TPRG1: variants seen among roughly 807,000 people sequenced by gnomAD.
The protein encoded by TPRG1 is tumor protein p63-regulated gene 1 protein.
In TPRG1, 29 loss-of-function variants were observed where a neutral mutation model predicts 29.3. The ratio of observed to expected loss-of-function variants is 0.99; its 90% CI spans 0.74 to 1.35. The LOEUF (loss-of-function observed/expected upper bound fraction) is 1.35, where lower values mean the gene tolerates loss of function less well. Among genes scored for constraint, TPRG1 ranks in the 40% most tolerant of loss-of-function variants. The pLI is 0.00. For synonymous variants in TPRG1, 130 were observed against 116.8 expected (o/e 1.11, Z -0.73); for missense variants, 327 against 335.0 (o/e 0.98, Z 0.19).
Position 189,092,476 on chromosome 3 carries a change from C to G in TPRG1, c.-462-34581C>G, listed in dbSNP as rs1340441381. On this transcript the variant is annotated intron_variant, in intron 4 of 10. Transcript: ENST00000433971. ...TTTTTTTTGGTATCTTCTATTAATT[C>G]TGTTTTCTTGAGATAGCGATACTTG... Among the ~76,000 whole-genome samples the G allele has an allele frequency of 4.6e-5, 6 of 131,190 alleles. No individual in the cohort carries two copies. In the South Asian group the frequency reaches 1.2e-3, roughly 26 times the overall value. 86.1% of individuals were successfully genotyped at this position (131,190 alleles called of 152,430 possible).
At chr3:189,313,911 T>A (rs1167762953) in intron 5 of TPRG1, among the ~76,000 whole-genome samples, 1 of 152,194 alleles carries the variant, frequency 6.6e-6, no homozygotes, top group African/African-American at 2.4e-5. Context: ...TTGGTTTAAC[T>A]GGAGTTTAAT....
intron 3 of TPRG1, among the ~76,000 whole-genome samples, chr3:189,227,149 CA>C (rs58900755): frequency 5.3e-4 from 75 of 140,810 alleles, no homozygotes; most frequent in African/African-American, 1.6e-3. Context: ...CCTGTCTTCA[CA>C]AAAAAAAAAG....
intron 4 of TPRG1, among the ~76,000 whole-genome samples, chr3:189,045,800 C>A (rs1714939504): frequency 6.6e-6 from 1 of 152,202 alleles, no homozygotes; most frequent in Admixed American, 6.5e-5. Flanking sequence ...GTGGAGAGGA[C>A]AAGCCTGGGG....
At chr3:189,046,500 G>T (rs1714986373) in intron 4 of TPRG1, among the ~76,000 whole-genome samples, 1 of 152,150 alleles carries the variant, frequency 6.6e-6, no homozygotes, top group Non-Finnish European at 1.5e-5. Flanking sequence ...ATTATGCAGA[G>T]AATTCTTTAA....
chr3:189,102,427 T>C (rs574807823), intron 1 of TPRG1, among the ~76,000 whole-genome samples: 2 of 152,334 alleles, frequency 1.3e-5, no homozygotes, highest in Non-Finnish European at 2.9e-5. Context: ...TGTTCCAATA[T>C]TGGTGGCTTT....
chr3:189,129,403 A>G (rs934545023), intron 2 of TPRG1, among the ~76,000 whole-genome samples: 1 of 152,104 alleles, frequency 6.6e-6, no homozygotes, highest in Non-Finnish European at 1.5e-5. Context: ...TATTATGTTG[A>G]TATATATTAT....
intron 3 of TPRG1, among the ~76,000 whole-genome samples, chr3:189,221,050 G>T (rs1484488943): frequency 2.6e-5 from 4 of 151,996 alleles, no homozygotes; most frequent in Non-Finnish European, 4.4e-5. Context: ...CAAATGTAAG[G>T]GTTTATTATG....
chr3:189,110,571 G>T (rs772105681), intron 1 of TPRG1, among the ~76,000 whole-genome samples: 3 of 151,836 alleles, frequency 2.0e-5, no homozygotes, highest in Non-Finnish European at 4.4e-5. Context: ...AAAAAAATTT[G>T]GCTTAGACTT....
At chr3:189,238,159 T>C (rs1263726289) in intron 3 of TPRG1, among the ~76,000 whole-genome samples, 1 of 152,242 alleles carries the variant, frequency 6.6e-6, no homozygotes, top group African/African-American at 2.4e-5. Context: ...AAAATCTCAC[T>C]TCACTTGTTT....
intron 3 of TPRG1, among the ~76,000 whole-genome samples, chr3:189,234,088 A>G (rs1309106945): frequency 6.6e-6 from 1 of 152,144 alleles, no homozygotes; most frequent in Non-Finnish European, 1.5e-5. Context: ...TGTGTTGCCC[A>G]GGCTGGTCTC....
At chr3:189,015,115 G>A (rs977893320) in intron 3 of TPRG1, among the ~76,000 whole-genome samples, 8 of 152,156 alleles carry the variant, frequency 5.3e-5, no homozygotes, top group South Asian at 2.1e-4. Context: ...AGTCCAGGGC[G>A]AGGTGTTCTC....
chr3:189,017,027 T>C (rs1214379488), intron 3 of TPRG1, among the ~76,000 whole-genome samples: 1 of 152,110 alleles, frequency 6.6e-6, no homozygotes, highest in Non-Finnish European at 1.5e-5. Flanking sequence ...TCCTGAAATA[T>C]GTTTTCTAAA....
chr3:189,212,394 T>A (rs887386018), intron 2 of TPRG1, among the ~76,000 whole-genome samples: 16 of 152,118 alleles, frequency 1.1e-4, no homozygotes, highest in African/African-American at 3.4e-4. Context: ...CCTCTTCTCT[T>A]GCTATAGGGT....
At chr3:189,070,801 T>A (rs116680047) in intron 4 of TPRG1, among the ~76,000 whole-genome samples, 3,715 of 152,122 alleles carry the variant, frequency 0.024, 117 homozygotes, top group African/African-American at 0.076. Flanking sequence ...GCAAAGGCAA[T>A]TACCTGAAAA....
chr3:189,316,376 G>A (rs753196733), intron 5 of TPRG1, among the ~76,000 whole-genome samples: 6 of 152,188 alleles, frequency 3.9e-5, no homozygotes, highest in Admixed American at 6.5e-5. Flanking sequence ...GGATGGGCGT[G>A]CCCTCTATGA....
At chr3:189,159,207 T>C (rs1443458591) in intron 5 of TPRG1, among the ~76,000 whole-genome samples, 4 of 152,180 alleles carry the variant, frequency 2.6e-5, no homozygotes, top group Non-Finnish European at 5.9e-5. Context: ...TGATAATTCG[T>C]TTGAGCCATA....
rs77594122 is a variant in TPRG1 at position 189,222,464 on chromosome 3, C to A, written c.302+7081C>A. ...CTACTCAACCCCATGGATTTTTGTA[C>A]GCGCTCATCTAGTCTAGACCCCTGG... On this transcript the variant is annotated intron_variant, in intron 3 of 5. Coordinates refer to ENST00000345063, the MANE Select transcript of TPRG1 (RefSeq NM_198485.4). Among the ~76,000 whole-genome samples the A allele has an allele frequency of 1.1e-3, 163 of 152,256 alleles. 3 individuals are homozygous for A. The East Asian group carries it at 0.026, about 24-fold the overall frequency.
intron 1 of TPRG1, among the ~76,000 whole-genome samples, chr3:189,196,217 G>A (rs1732508936): frequency 6.6e-6 from 1 of 152,166 alleles, no homozygotes; most frequent in Non-Finnish European, 1.5e-5. Flanking sequence ...AAGATGTTGA[G>A]TTAGATAATA....
intron 5 of TPRG1, among the ~76,000 whole-genome samples, chr3:189,310,918 A>C (rs1371344400): frequency 6.6e-6 from 1 of 152,178 alleles, no homozygotes; most frequent in Non-Finnish European, 1.5e-5. Context: ...TGCTCGATTA[A>C]GTCACTTGTC....
Sources: allele counts gnomAD v4.1 joint callset (sites outside exome capture counted in the v4.1 genomes callset), GRCh38; gene constraint gnomAD v4.1.1; transcripts MANE v1.5; gene names NCBI Gene and HGNC (gene_info 2026-07-23, HGNC 2026-07-21).